Variants in ADAMTSL1 observed in about 807,000 individuals in gnomAD.
The protein encoded by ADAMTSL1 is ADAMTS-like protein 1.
A neutral mutation model predicts 201.8 loss-of-function variants in ADAMTSL1; 126 were observed. The observed-to-expected ratio is 0.62, with a 90% CI of 0.54 to 0.72. ADAMTSL1 has a LOEUF of 0.72. ADAMTSL1 is among the 30% of genes least tolerant of loss of function. The pLI, the probability that ADAMTSL1 is intolerant of heterozygous loss-of-function variation, is 0.00. For missense variants in ADAMTSL1, 2,679 were observed against 2,277.8 expected (o/e 1.18, Z -3.59); for synonymous variants, 1,121 against 903.4 (o/e 1.24, Z -4.32).
chr9:18,527,965 C>A (rs192081438), intron 2 of ADAMTSL1, among the ~76,000 whole-genome samples: 117 of 152,272 alleles, frequency 7.7e-4, no homozygotes, highest in African/African-American at 2.6e-3. Context: ...GCAAGCTCCA[C>A]CTCCTGGGTT....
At chr9:18,365,291 A>T (rs1359551941) in intron 2 of ADAMTSL1, among the ~76,000 whole-genome samples, 1 of 152,224 alleles carries the variant, frequency 6.6e-6, no homozygotes, top group Non-Finnish European at 1.5e-5. Flanking sequence ...TCCAGGAATA[A>T]AAGGGAAGTA....
chr9:18,394,373 G>A (rs1817664068), intron 2 of ADAMTSL1, among the ~76,000 whole-genome samples: 1 of 152,156 alleles, frequency 6.6e-6, no homozygotes, highest in Admixed American at 6.5e-5. Flanking sequence ...CTATGCCCCA[G>A]GAGATCCATT....
intron 2 of ADAMTSL1, among the ~76,000 whole-genome samples, chr9:18,452,562 T>C (rs1212714144): frequency 6.6e-6 from 1 of 152,190 alleles, no homozygotes; most frequent in African/African-American, 2.4e-5. Flanking sequence ...GCATGATTCA[T>C]CCTAAGTCAA....
rs146816698 is a variant in ADAMTSL1, at chr9:18,199,469, T to C, written c.207+35488T>C. ...CATATTTATTCAGAAGTGTTAGCATTTTCACAAGTAATATAGGGCAATGAA... is the reference window on the plus strand; with the variant it reads ...CATATTTATTCAGAAGTGTTAGCATCTTCACAAGTAATATAGGGCAATGAA... On this transcript the variant is annotated intron_variant, in intron 2 of 29. Coordinates refer to the ADAMTSL1 transcript ENST00000680146. 3.3e-5 allele frequency among the ~76,000 whole-genome samples: 5 copies of C among 152,202 alleles called. No homozygotes were observed. In the East Asian group the frequency reaches 9.7e-4, roughly 29 times the overall value.
chr9:18,036,170 A>C (rs1236756591), intron 1 of ADAMTSL1, among the ~76,000 whole-genome samples: 1 of 152,220 alleles, frequency 6.6e-6, no homozygotes, highest in African/African-American at 2.4e-5. Context: ...TCTTCCAGGC[A>C]TACTTTAAAG....
intron 24 of ADAMTSL1, 58 bp downstream of exon 24, chr9:18,888,101 T>TCTAA: frequency 6.5e-7 from 1 of 1,527,036 alleles, no homozygotes; most frequent in Non-Finnish European, 9.0e-7. Flanking sequence ...CACTTGGGAA[T>TCTAA]CTAACTATCT....
chr9:17,969,521 C>A (rs2840790), intron 1 of ADAMTSL1, among the ~76,000 whole-genome samples: 71,884 of 151,832 alleles, frequency 0.47, 19,157 homozygotes, highest in East Asian at 0.91. Flanking sequence ...TCATATACAG[C>A]AATAGTTTTT....
At chr9:18,595,149 A>G (rs1824182247) in intron 4 of ADAMTSL1, among the ~76,000 whole-genome samples, 1 of 152,154 alleles carries the variant, frequency 6.6e-6, no homozygotes, top group African/African-American at 2.4e-5. Context: ...CTATGTGGGA[A>G]TGCTGGCCAA....
intron 1 of ADAMTSL1, among the ~76,000 whole-genome samples, chr9:18,121,100 G>A (rs898148692): frequency 6.6e-6 from 1 of 152,192 alleles, no homozygotes; most frequent in African/African-American, 2.4e-5. Context: ...ATTGATTGCA[G>A]ATGGTAAGAG....
At chr9:18,382,768 A>C (rs542438087) in intron 2 of ADAMTSL1, among the ~76,000 whole-genome samples, 40 of 149,478 alleles carry the variant, frequency 2.7e-4, no homozygotes, top group Non-Finnish European at 4.9e-4. Flanking sequence ...CCCTCAGCCC[A>C]ACTGAACACC....
At chr9:18,532,424 T>G (rs1187903521) in intron 2 of ADAMTSL1, among the ~76,000 whole-genome samples, 1 of 152,142 alleles carries the variant, frequency 6.6e-6, no homozygotes, top group Non-Finnish European at 1.5e-5. Flanking sequence ...TGGTTTACCA[T>G]ACTATCATTT....
At chr9:18,355,467 G>C (rs1836178299) in intron 2 of ADAMTSL1, among the ~76,000 whole-genome samples, 1 of 152,098 alleles carries the variant, frequency 6.6e-6, no homozygotes, top group Non-Finnish European at 1.5e-5. Context: ...TCCATAGCAA[G>C]GATTCTTAAA....
intron 1 of ADAMTSL1, among the ~76,000 whole-genome samples, chr9:18,006,228 C>G (rs1819818420): frequency 6.6e-6 from 1 of 151,940 alleles, no homozygotes; most frequent in Non-Finnish European, 1.5e-5. Context: ...ATATTTTACA[C>G]TAGAGGTTAA....
chr9:18,306,977 C>T (rs1368526018), intron 2 of ADAMTSL1, among the ~76,000 whole-genome samples: 1 of 152,152 alleles, frequency 6.6e-6, no homozygotes, highest in African/African-American at 2.4e-5. Context: ...GGAAGCCCAC[C>T]AGACTAACAG....
At chr9:18,567,373 G>A (rs1164319851) in intron 3 of ADAMTSL1, among the ~76,000 whole-genome samples, 1 of 152,170 alleles carries the variant, frequency 6.6e-6, no homozygotes, top group Non-Finnish European at 1.5e-5. Context: ...GGCTGAGGCA[G>A]GAGAATTGCT....
intron 1 of ADAMTSL1, among the ~76,000 whole-genome samples, chr9:18,080,176 G>A (rs1823428368): frequency 6.6e-6 from 1 of 152,224 alleles, no homozygotes; most frequent in African/African-American, 2.4e-5. Context: ...GCTGGAAATA[G>A]ATGAGAGGAC....
rs1821037046 is a variant in ADAMTSL1 at position 18,776,804 on chromosome 9, C to A, written c.2575C>A (p.His859Asn). The change falls in exon 19 of 29, where the codon CAC becomes AAC. Residue 859 changes from histidine (H) to asparagine (N), a missense_variant. Coordinates refer to ENST00000380548, the MANE Select transcript of ADAMTSL1 (RefSeq NM_001040272.6). Reference sequence around the variant, plus strand: ...AGGGCCCGGGCGGCCATCCACGAAGCACAGCCCGCACATCGCGGCCGCCAG... The same window carrying A: ...AGGGCCCGGGCGGCCATCCACGAAGAACAGCCCGCACATCGCGGCCGCCAG... The part of the protein sequence containing the change: ...CARPGRPSTK[H>N]SPHIAAARKV... 6.4e-7 allele frequency: 1 copy of A among 1,558,926 alleles called. No homozygotes were observed. The highest frequency in any genetic ancestry group is 8.7e-7 in the Non-Finnish European group (1 of 1,152,324).
chr9:18,467,345 G>A (rs2131733112), intron 2 of ADAMTSL1, among the ~76,000 whole-genome samples: 1 of 152,180 alleles, frequency 6.6e-6, no homozygotes, highest in East Asian at 1.9e-4. Flanking sequence ...CACCACAGAG[G>A]AAAATAACTC....
intron 20 of ADAMTSL1, among the ~76,000 whole-genome samples, chr9:18,801,218 G>A (rs1822779159): frequency 6.6e-6 from 1 of 152,158 alleles, no homozygotes; most frequent in African/African-American, 2.4e-5. Context: ...TCACAATGTT[G>A]ACCCTAAAAA....
Sources: gnomAD v4.1 joint callset for allele counts (sites outside exome capture counted in the v4.1 genomes callset) on GRCh38, gnomAD v4.1.1 for gene constraint, MANE v1.5 for transcripts, NCBI Gene and HGNC (gene_info 2026-07-23, HGNC 2026-07-21) for gene names.